Variants in PCDHAC2 observed in about 807,000 individuals in gnomAD.
PCDHAC2 encodes protocadherin alpha subfamily C, 2.
PCDHAC2 carries 24 observed loss-of-function variants against 63.3 expected under a neutral mutation model. The observed-to-expected ratio is 0.38, with a 90% CI of 0.27 to 0.53. The LOEUF (loss-of-function observed/expected upper bound fraction) is 0.53, where lower values mean the gene tolerates loss of function less well. Among genes scored for constraint, PCDHAC2 ranks in the 20% least tolerant of loss-of-function variants. The pLI is 0.81. For synonymous variants in PCDHAC2, 569 were observed against 529.4 expected (o/e 1.07, Z -1.03); for missense variants, 1,181 against 1,275.2 (o/e 0.93, Z 1.12).
At chr5:140,983,807 G>GT (rs1418454252) in intron 3 of PCDHAC2, among the ~76,000 whole-genome samples, 1 of 152,100 alleles carries the variant, frequency 6.6e-6, no homozygotes, top group East Asian at 1.9e-4. Flanking sequence ...TGTGTAAAAG[G>GT]TTTTTTCCCA....
chr5:140,977,442 T>C (rs746141638), intron 1 of PCDHAC2, among the ~76,000 whole-genome samples: 1 of 152,186 alleles, frequency 6.6e-6, no homozygotes. Flanking sequence ...TAGTAGATAA[T>C]GGAAACTCCT....
chr5:140,997,077 G>T (rs1201538953), intron 3 of PCDHAC2, among the ~76,000 whole-genome samples: 3 of 152,062 alleles, frequency 2.0e-5, no homozygotes, highest in Admixed American at 2.0e-4. Flanking sequence ...CAGGAAAGTT[G>T]AGTAGAAAGT....
chr5:140,992,584 T>G (rs1327367703), intron 3 of PCDHAC2, among the ~76,000 whole-genome samples: 1 of 152,194 alleles, frequency 6.6e-6, no homozygotes, highest in Non-Finnish European at 1.5e-5. Context: ...CTGCCTTGTA[T>G]GCATCTAGCG....
At chr5:140,975,610 C>T (rs1412581927) in intron 1 of PCDHAC2, among the ~76,000 whole-genome samples, 5 of 152,160 alleles carry the variant, frequency 3.3e-5, no homozygotes, top group Non-Finnish European at 7.4e-5. Flanking sequence ...TGATGTCTTC[C>T]ACATGGATTT....
In PCDHAC2 at chr5:140,991,828, C is replaced by T. The variant is rs1554252431; in HGVS notation, c.2713+9265C>T. Among the ~76,000 whole-genome samples, 6 of 152,168 alleles carry T rather than the reference C, an allele frequency of 3.9e-5. No homozygotes were observed. The South Asian group carries it at 6.2e-4, about 16-fold the overall frequency. The stretch of plus-strand genomic sequence containing the variant: ...CTTCCGCATTTTTAGGCATTTATAA[C>T]GGCAGAACCGCACTTCCAGATACCA... On this transcript the variant is annotated intron_variant, in intron 3 of 3. Transcript: ENST00000289269.
rs1210767626 is a variant in PCDHAC2 at position 141,010,197 on chromosome 5, C to G, written c.*260C>G. 83 of 1,552,082 alleles carry G rather than the reference C, an allele frequency of 5.3e-5. No homozygotes were observed. Among genetic ancestry groups the G allele is most frequent in the Non-Finnish European group, 6.6e-5 (76 of 1,147,118 alleles). On this transcript the variant is annotated 3_prime_UTR_variant, in exon 4 of 4. Coordinates refer to ENST00000289269, the MANE Select transcript of PCDHAC2 (RefSeq NM_018899.6). ...AAAAGCAGACCCAAGTTTCCTTTCT[C>G]CTCCGCCGCAAAGGAGAGGCTTCCC...
At chr5:140,995,132 A>G (rs2097665905) in intron 3 of PCDHAC2, among the ~76,000 whole-genome samples, 1 of 152,222 alleles carries the variant, frequency 6.6e-6, no homozygotes, top group African/African-American at 2.4e-5. Flanking sequence ...CTGAAACCTC[A>G]TTTAGTACTG....
chr5:140,990,524 G>T (rs782064217), intron 3 of PCDHAC2, among the ~76,000 whole-genome samples: 2 of 151,978 alleles, frequency 1.3e-5, no homozygotes, highest in Non-Finnish European at 2.9e-5. Flanking sequence ...TGTCTTTTTT[G>T]ACTGTGCATC....
chr5:141,011,553 G>T lies in PCDHAC2; in HGVS notation c.*1616G>T, dbSNP rs1191049531. The T allele has an allele frequency of 6.5e-6, 1 of 153,640 alleles. No homozygotes were observed. The highest frequency in any genetic ancestry group is 1.5e-5 in the Non-Finnish European group (1 of 68,008). The allele number at this position is 153,640 out of a possible 1,614,324, so 9.5% of individuals were successfully genotyped here. Reference sequence around the variant, plus strand: ...TGTTAATCAGCTTTTGTGTATGAAAGACACAGTAAAATTTCTTTCTTAAAT... The same window carrying T: ...TGTTAATCAGCTTTTGTGTATGAAATACACAGTAAAATTTCTTTCTTAAAT... On this transcript the variant is annotated 3_prime_UTR_variant, in exon 4 of 4. Transcript: ENST00000289269.
Position 140,966,538 on chromosome 5 carries a change from C to T in PCDHAC2, c.-229C>T. On this transcript the variant is annotated 5_prime_UTR_variant, in exon 1 of 4. Transcript: ENST00000289269. ...CAGGAAGCCGAGCCGGGTTGAGCGA[C>T]TCGGAGGCGAGCGGAGGAGCTGGAA... is the stretch of plus-strand genomic sequence containing the variant. 2 of 463,262 alleles carry T rather than the reference C, an allele frequency of 4.3e-6. No individual in the cohort carries two copies. Among genetic ancestry groups the T allele is most frequent in the South Asian group, 1.1e-4 (2 of 17,522 alleles). 28.7% of individuals were successfully genotyped at this position (463,262 alleles called of 1,614,324 possible). A position where few individuals can be genotyped will look rare whatever the true frequency, so the allele number is the denominator to read the frequency against.
Position 141,002,911 on chromosome 5 carries a change from G to C in PCDHAC2, c.2714-6716G>C, listed in dbSNP as rs565172510. Among the ~76,000 whole-genome samples the C allele has an allele frequency of 3.3e-5, 5 of 152,330 alleles. No homozygotes were observed. The South Asian group carries it at 1.0e-3, about 32-fold the overall frequency. On this transcript the variant is annotated intron_variant, in intron 3 of 3. Transcript: ENST00000289269. ...ACAAAGCAAGATGAAGAGAAGATCA[G>C]AAAAGTGAACACCCTCCAACACCCT...
chr5:140,984,138 G>A (rs1476039645), intron 3 of PCDHAC2, among the ~76,000 whole-genome samples: 1 of 152,194 alleles, frequency 6.6e-6, no homozygotes, highest in East Asian at 1.9e-4. Flanking sequence ...GGATGTGGAG[G>A]CATCTGGGAA....
intron 1 of PCDHAC2, among the ~76,000 whole-genome samples, chr5:140,971,538 C>T (rs1162304462): frequency 6.6e-6 from 1 of 152,122 alleles, no homozygotes; most frequent in African/African-American, 2.4e-5. Flanking sequence ...GTCATCATTG[C>T]CAGATCAACC....
intron 1 of PCDHAC2, among the ~76,000 whole-genome samples, chr5:140,971,573 CT>C (rs1203027280): frequency 6.6e-6 from 1 of 152,110 alleles, no homozygotes; most frequent in African/African-American, 2.4e-5. Flanking sequence ...GTTGGGCTTT[CT>C]TTTTTTCCTA....
At chr5:140,975,795 CT>C (rs1219508800) in intron 1 of PCDHAC2, among the ~76,000 whole-genome samples, 2 of 151,168 alleles carry the variant, frequency 1.3e-5, no homozygotes, top group Non-Finnish European at 1.5e-5. Flanking sequence ...TAAATTAAAT[CT>C]TTTTTATAAT....
chr5:141,010,001 A>G lies in PCDHAC2; in HGVS notation c.*64A>G. The G allele has an allele frequency of 6.4e-7, 1 of 1,574,588 alleles. No homozygotes were observed. The highest frequency in any genetic ancestry group is 8.6e-7 in the Non-Finnish European group (1 of 1,164,348). On this transcript the variant is annotated 3_prime_UTR_variant, in exon 4 of 4. Transcript: ENST00000289269. ...TAATAATGGCAAATCTCTCCCATGT[A>G]GCAATTCCCTGCTCCTTTTTCCTAT...
intron 3 of PCDHAC2, among the ~76,000 whole-genome samples, chr5:140,995,541 G>T (rs1444257516): frequency 6.6e-5 from 10 of 152,186 alleles, no homozygotes; most frequent in Non-Finnish European, 1.3e-4. Context: ...CAAATAAGGG[G>T]CGATCACTGT....
chr5:140,967,273 A>G lies in PCDHAC2; in HGVS notation c.507A>G (p.Ile169Met), dbSNP rs2096121712. The G allele has an allele frequency of 1.9e-6, 3 of 1,613,332 alleles. No individual in the cohort carries two copies. Among genetic ancestry groups the G allele is most frequent in the South Asian group, 2.2e-5 (2 of 91,074 alleles). Residue 169 changes from isoleucine (I) to methionine (M), a missense_variant, in exon 1 of 4, where the codon ATA (isoleucine) becomes ATG (methionine). Transcript: ENST00000289269. ...TGGCGCCTGGAGCGCGCTTTCACAT[A>G]GAGAGTGCGCAGGACCCCGACGTGG... ...ESVAPGARFH[I>M]ESAQDPDVGA...
At chr5:140,971,221 G>A (rs1234658755) in intron 1 of PCDHAC2, among the ~76,000 whole-genome samples, 1 of 152,082 alleles carries the variant, frequency 6.6e-6, no homozygotes, top group East Asian at 1.9e-4. Flanking sequence ...TCCCTCTCCT[G>A]ACTCAAAGCT....
Sources: gnomAD v4.1 joint callset for allele counts (sites outside exome capture counted in the v4.1 genomes callset) on GRCh38, gnomAD v4.1.1 for gene constraint, MANE v1.5 for transcripts, NCBI Gene and HGNC (gene_info 2026-07-23, HGNC 2026-07-21) for gene names.